FBXO34: variants seen among roughly 807,000 people sequenced by gnomAD.
FBXO34 encodes F-box protein 34, also known as F-box only protein 34.
In FBXO34, 12 loss-of-function variants were observed where a neutral mutation model predicts 24.5. That is an observed-to-expected ratio of 0.49 (90% CI 0.31 to 0.79). FBXO34 has a LOEUF of 0.79. Ranked by LOEUF, FBXO34 falls within the 30% of genes least tolerant of loss-of-function variation. The pLI, the probability that FBXO34 is intolerant of heterozygous loss-of-function variation, is 0.04. For synonymous variants in FBXO34, 320 were observed against 311.9 expected, an observed-to-expected ratio of 1.03 and a Z score of -0.27; for missense variants, 823 against 857.7, an observed-to-expected ratio of 0.96 and a Z score of 0.51.
At chr14:55,433,627 T>C in the FBXO34 span, 9 of 1,613,704 alleles carry the variant, frequency 5.6e-6, no homozygotes, top group East Asian at 4.5e-5. Flanking sequence ...TGATTCCTCA[T>C]ACCTTTTGGC....
intron 3 of FBXO34, among the ~76,000 whole-genome samples, chr14:55,360,637 T>C (rs1884581388): frequency 6.6e-6 from 1 of 152,206 alleles, no homozygotes; most frequent in African/African-American, 2.4e-5. Context: ...GCGATGTTTA[T>C]TTTAAACAAC....
intron 1 of FBXO34, among the ~76,000 whole-genome samples, chr14:55,349,133 G>A (rs1379480354): frequency 1.3e-5 from 2 of 151,974 alleles, no homozygotes; most frequent in African/African-American, 2.4e-5. Context: ...GTTTTGTGTA[G>A]CAGTGGGCTG....
At chr14:55,360,364 C>T (rs1210444103) in intron 3 of FBXO34, among the ~76,000 whole-genome samples, 10 of 152,132 alleles carry the variant, frequency 6.6e-5, no homozygotes, top group African/African-American at 2.4e-4. Flanking sequence ...TGAGCCACCA[C>T]GCCCAGCCAA....
At chr14:55,411,656 G>A in the FBXO34 span, 1 of 1,613,398 alleles carries the variant, frequency 6.2e-7, no homozygotes, top group African/African-American at 1.3e-5. Flanking sequence ...AACGCATTTG[G>A]CGCAGGTCAG....
chr14:55,408,943 T>C, the FBXO34 span, among the ~76,000 whole-genome samples: 3 of 152,222 alleles, frequency 2.0e-5, no homozygotes, highest in Non-Finnish European at 2.9e-5. Flanking sequence ...AGCTTGGATT[T>C]TATTTTAAAT....
chr14:55,411,653 T>G, the FBXO34 span: 2 of 1,613,468 alleles, frequency 1.2e-6, no homozygotes, highest in Non-Finnish European at 1.7e-6. Flanking sequence ...CTGAACGCAT[T>G]TGGCGCAGGT....
At chr14:55,381,416 A>G in the FBXO34 span, among the ~76,000 whole-genome samples, 1 of 152,242 alleles carries the variant, frequency 6.6e-6, no homozygotes, top group Admixed American at 6.5e-5. Context: ...TAAACGGGTT[A>G]AATATACTTC....
chr14:55,338,897 C>A (rs1306633339), intron 1 of FBXO34, among the ~76,000 whole-genome samples: 1 of 147,480 alleles, frequency 6.8e-6, no homozygotes, highest in African/African-American at 2.5e-5. Flanking sequence ...CAGAGCGAGA[C>A]TCCATCTCAA....
the FBXO34 span, among the ~76,000 whole-genome samples, chr14:55,419,951 T>C: frequency 6.6e-6 from 1 of 152,238 alleles, no homozygotes; most frequent in South Asian, 2.1e-4. Context: ...AGTTGTGCCA[T>C]GCTGCACTAG....
chr14:55,309,890 T>C (rs1366322111), intron 1 of FBXO34, among the ~76,000 whole-genome samples: 1 of 152,110 alleles, frequency 6.6e-6, no homozygotes, highest in Non-Finnish European at 1.5e-5. Context: ...TTAGATTGGG[T>C]AGGGTGGGAT....
the FBXO34 span, chr14:55,395,209 T>A: frequency 2.5e-6 from 1 of 398,230 alleles, no homozygotes; most frequent in South Asian, 2.1e-5. Flanking sequence ...GCCCATTCAG[T>A]GGAGCTGACC....
chr14:55,374,957 C>G (rs1884890304), downstream of FBXO34, among the ~76,000 whole-genome samples: 1 of 152,184 alleles, frequency 6.6e-6, no homozygotes, highest in African/African-American at 2.4e-5. Flanking sequence ...TCAAAACTTC[C>G]TTGCAGACTA....
intron 1 of FBXO34, among the ~76,000 whole-genome samples, chr14:55,301,303 G>A (rs1428627045): frequency 6.6e-6 from 1 of 152,036 alleles, no homozygotes; most frequent in East Asian, 1.9e-4. Context: ...CAGGTGTGGT[G>A]GCATGTGCCT....
rs386381425 is a variant in FBXO34, at chr14:55,327,908, G to GTTTT, written c.-10-22441_-10-22438dup. 8.3e-3 allele frequency among the ~76,000 whole-genome samples: 405 copies of GTTTT among 48,730 alleles called. 70 individuals are homozygous for GTTTT. Among genetic ancestry groups the GTTTT allele is most frequent in the East Asian group, 0.011 (16 of 1,494 alleles). 32.0% of individuals were successfully genotyped at this position (48,730 alleles called of 152,430 possible). On this transcript the variant is annotated intron_variant, in intron 1 of 1. Coordinates refer to ENST00000313833, the MANE Select transcript of FBXO34 (RefSeq NM_017943.4). ...CATATGATTTTCTTTGTTGTTGTTGGTTTTTTTTTTTTTTTTTTTTTTTTT... is the reference window on the plus strand; with the variant it reads ...CATATGATTTTCTTTGTTGTTGTTGGTTTTTTTTTTTTTTTTTTTTTTTTTTTTT...
At chr14:55,396,136 G>A in the FBXO34 span, among the ~76,000 whole-genome samples, 1 of 152,154 alleles carries the variant, frequency 6.6e-6, no homozygotes, top group Admixed American at 6.5e-5. Flanking sequence ...CAAATTCCCT[G>A]TTCTCTGCAA....
chr14:55,380,890 T>C, the FBXO34 span, among the ~76,000 whole-genome samples: 28 of 146,748 alleles, frequency 1.9e-4, no homozygotes, highest in African/African-American at 7.0e-4. Flanking sequence ...TTTTTTTTTT[T>C]TTGCTGAGAG....
chr14:55,298,973 C>T, intron 1 of FBXO34: 1 of 1,602,342 alleles, frequency 6.2e-7, no homozygotes, highest in South Asian at 1.1e-5. Flanking sequence ...CCCACGACAA[C>T]ATGGACATCG....
chr14:55,339,605 C>A (rs1017475498), intron 1 of FBXO34: 13 of 152,134 alleles, frequency 8.5e-5, no homozygotes, highest in African/African-American at 3.1e-4. Context: ...CACCAGATAA[C>A]ATTACAGTTT....
chr14:55,317,259 G>A (rs1882963472), intron 1 of FBXO34, among the ~76,000 whole-genome samples: 1 of 152,108 alleles, frequency 6.6e-6, no homozygotes, highest in East Asian at 1.9e-4. Context: ...GTTGCTAAAT[G>A]TAACAATTAT....
Sources: allele counts gnomAD v4.1 joint callset (sites outside exome capture counted in the v4.1 genomes callset), GRCh38; gene constraint gnomAD v4.1.1; transcripts MANE v1.5; gene names NCBI Gene and HGNC (gene_info 2026-07-23, HGNC 2026-07-21).